Variants in DLGAP2 observed in about 807,000 individuals in gnomAD.
DLGAP2 encodes DLG associated protein 2.
A neutral mutation model predicts 100.3 loss-of-function variants in DLGAP2; 26 were observed. The ratio of observed to expected loss-of-function variants is 0.26; its 90% CI spans 0.19 to 0.36. DLGAP2 has a LOEUF of 0.36. DLGAP2 is among the 10% of genes least tolerant of loss of function. The pLI is 1.00. For synonymous variants in DLGAP2, 886 were observed against 630.1 expected (o/e 1.41, Z -6.08); for missense variants, 1,858 against 1,453.2 (o/e 1.28, Z -4.53).
chr8:1,467,065 G>A (rs1253031893), intron 3 of DLGAP2, among the ~76,000 whole-genome samples: 1 of 152,134 alleles, frequency 6.6e-6, no homozygotes. Context: ...GAAGACGGAT[G>A]CCCGGCCCCG....
chr8:742,992 A>G (rs6420230), intron 1 of DLGAP2, among the ~76,000 whole-genome samples: 53,446 of 152,106 alleles, frequency 0.35, 9,941 homozygotes, highest in African/African-American at 0.46. Context: ...AAAAAATACA[A>G]TTGAGGCCTA....
At chr8:961,142 A>G (rs1799715965) in intron 2 of DLGAP2, among the ~76,000 whole-genome samples, 1 of 152,362 alleles carries the variant, frequency 6.6e-6, no homozygotes, top group South Asian at 2.1e-4. Context: ...ACATAGATGC[A>G]TTAAAAGGTC....
chr8:1,361,115 C>A (rs949682563), intron 3 of DLGAP2, among the ~76,000 whole-genome samples: 1 of 152,220 alleles, frequency 6.6e-6, no homozygotes, highest in African/African-American at 2.4e-5. Context: ...TGCAGACGAG[C>A]TGAGATGGTC....
At chr8:1,592,492 C>G (rs964541968) in intron 6 of DLGAP2, among the ~76,000 whole-genome samples, 4 of 152,028 alleles carry the variant, frequency 2.6e-5, no homozygotes, top group Non-Finnish European at 4.4e-5. Flanking sequence ...CCCCCTGAAG[C>G]TCTGGAAAGC....
chr8:1,085,079 T>G (rs955355104), intron 2 of DLGAP2, among the ~76,000 whole-genome samples: 5 of 152,218 alleles, frequency 3.3e-5, no homozygotes, highest in African/African-American at 1.2e-4. Flanking sequence ...AGCTGATACG[T>G]GATTTGATAT....
At chr8:1,371,923 T>C (rs931420371) in intron 3 of DLGAP2, among the ~76,000 whole-genome samples, 3 of 152,228 alleles carry the variant, frequency 2.0e-5, no homozygotes, top group African/African-American at 7.2e-5. Flanking sequence ...CTTTTCAATA[T>C]GCCACTTTTC....
intron 7 of DLGAP2, among the ~76,000 whole-genome samples, 198 bp from the exon 8 acceptor site, chr8:1,632,629 G>A (rs1797675484): frequency 6.6e-6 from 1 of 152,190 alleles, no homozygotes; most frequent in African/African-American, 2.4e-5. Flanking sequence ...TTGGCTGTTT[G>A]CCTAAGTGTT....
intron 3 of DLGAP2, among the ~76,000 whole-genome samples, chr8:1,481,744 C>A (rs1235012982): frequency 6.6e-6 from 1 of 152,134 alleles, no homozygotes; most frequent in Non-Finnish European, 1.5e-5. Flanking sequence ...TCCCAAAGTT[C>A]TGGGATTACA....
rs1804473408 is a variant in DLGAP2, at chr8:1,098,631, GGCTCCCGGCCGCCCACGGA to G, written c.74-160219_74-160201del. On this transcript the variant is annotated intron_variant, in intron 2 of 14. Coordinates refer to ENST00000637795, the MANE Select transcript of DLGAP2 (RefSeq NM_001346810.2). Reference sequence around the variant, plus strand: ...CCCACGGGCGCCGCCACCCACGCCAGGCTCCCGGCCGCCCACGGACGCCGCCACCCACGCCAGGCTCCCG... The same window carrying G: ...CCCACGGGCGCCGCCACCCACGCCAGCGCCGCCACCCACGCCAGGCTCCCG... 1.6e-4 allele frequency among the ~76,000 whole-genome samples: 18 copies of G among 110,852 alleles called. No homozygotes were observed. In the South Asian group the frequency reaches 3.3e-3, roughly 20 times the overall value. 72.7% of individuals were successfully genotyped at this position (110,852 alleles called of 152,430 possible).
intron 1 of DLGAP2, among the ~76,000 whole-genome samples, chr8:767,061 C>T (rs1443673822): frequency 6.6e-6 from 1 of 152,180 alleles, no homozygotes; most frequent in Non-Finnish European, 1.5e-5. Flanking sequence ...AGCACTGTAA[C>T]TTCTAGGAAA....
At chr8:924,339 G>A (rs1225230113) in intron 2 of DLGAP2, among the ~76,000 whole-genome samples, 4 of 152,142 alleles carry the variant, frequency 2.6e-5, no homozygotes, top group East Asian at 3.9e-4. Context: ...GGGCAGTACC[G>A]ACAGCAGGTT....
intron 2 of DLGAP2, among the ~76,000 whole-genome samples, chr8:1,233,310 G>A (rs975042230): frequency 5.3e-5 from 8 of 152,150 alleles, no homozygotes; most frequent in East Asian, 1.9e-4. Context: ...TATTTGCCAC[G>A]TGATATATTT....
At chr8:1,220,579 G>A (rs1353638624) in intron 2 of DLGAP2, among the ~76,000 whole-genome samples, 4 of 152,178 alleles carry the variant, frequency 2.6e-5, no homozygotes, top group Admixed American at 1.3e-4. Flanking sequence ...ATATTCTGTT[G>A]TTGTTGGGGA....
intron 1 of DLGAP2, among the ~76,000 whole-genome samples, chr8:808,376 C>T (rs1044341315): frequency 1.3e-5 from 2 of 152,166 alleles, no homozygotes; most frequent in Admixed American, 1.3e-4. Flanking sequence ...CCCTTATTTC[C>T]TTTGATGATC....
chr8:792,536 C>G (rs1585867908), intron 1 of DLGAP2, among the ~76,000 whole-genome samples: 4 of 152,168 alleles, frequency 2.6e-5, no homozygotes, highest in East Asian at 3.8e-4. Flanking sequence ...TACCTTTTAT[C>G]AAATTAAAGA....
intron 1 of DLGAP2, among the ~76,000 whole-genome samples, chr8:793,459 T>C (rs552132702): frequency 6.6e-6 from 1 of 152,238 alleles, no homozygotes; most frequent in Non-Finnish European, 1.5e-5. Context: ...TGGGCTGCCA[T>C]AGTCTGGGCT....
chr8:1,663,399 G>A (rs1439391837), intron 8 of DLGAP2, among the ~76,000 whole-genome samples: 2 of 152,020 alleles, frequency 1.3e-5, no homozygotes, highest in Non-Finnish European at 2.9e-5. Flanking sequence ...CGCCCTTACT[G>A]TGCACCCGTC....
chr8:945,230 G>A, intron 2 of DLGAP2, among the ~76,000 whole-genome samples: 1 of 152,142 alleles, frequency 6.6e-6, no homozygotes, highest in East Asian at 1.9e-4. Flanking sequence ...GGCACCAGCA[G>A]CTGATGGCTG....
At chr8:1,345,810 C>G (rs1040247319) in intron 3 of DLGAP2, among the ~76,000 whole-genome samples, 1 of 152,212 alleles carries the variant, frequency 6.6e-6, no homozygotes, top group African/African-American at 2.4e-5. Context: ...TAACACCTAC[C>G]TCAGCATTGT....
Sources: gnomAD v4.1 joint callset for allele counts (sites outside exome capture counted in the v4.1 genomes callset) on GRCh38, gnomAD v4.1.1 for gene constraint, MANE v1.5 for transcripts, NCBI Gene and HGNC (gene_info 2026-07-23, HGNC 2026-07-21) for gene names.